Variants in MMRN1 observed in about 807,000 individuals in gnomAD.
The protein encoded by MMRN1 is multimerin 1, also known as multimerin-1.
In MMRN1, 94 loss-of-function variants were observed where a neutral mutation model predicts 100.7. The observed-to-expected ratio is 0.93, with a 90% CI of 0.79 to 1.11. The LOEUF (loss-of-function observed/expected upper bound fraction) is 1.11. Among genes scored for constraint, MMRN1 ranks in the 50% least tolerant of loss-of-function variants. The probability of loss-of-function intolerance (pLI) is 0.00; values close to 1 mark genes in which losing one functional copy is unlikely to be tolerated. For synonymous variants in MMRN1, 575 were observed against 505.0 expected (o/e 1.14, Z -1.86); for missense variants, 1,606 against 1,439.1 (o/e 1.12, Z -1.88).
chr4:89,912,630 G>A (rs1195070210), intron 3 of MMRN1, among the ~76,000 whole-genome samples: 3 of 150,630 alleles, frequency 2.0e-5, no homozygotes, highest in Non-Finnish European at 4.5e-5. Context: ...TAATATCCAT[G>A]TGACTATTAT....
chr4:89,922,667 A>C (rs1207704137), intron 3 of MMRN1, among the ~76,000 whole-genome samples: 1 of 152,158 alleles, frequency 6.6e-6, no homozygotes, highest in Non-Finnish European at 1.5e-5. Flanking sequence ...AGACTATCAA[A>C]ATCTGGAAAC....
chr4:89,932,576 T>A lies in MMRN1; in HGVS notation c.1130-2234T>A, dbSNP rs528952693. 1.1e-4 allele frequency among the ~76,000 whole-genome samples: 16 copies of A among 152,314 alleles called. No individual in the cohort carries two copies. In the East Asian group the frequency reaches 3.1e-3, roughly 29 times the overall value. ...ATGTGTTTTCATACATTCTCTGCAA[T>A]CTAGGTGGAGGTTCCCAAACCTCAA... On this transcript the variant is annotated intron_variant, in intron 5 of 7. Transcript: ENST00000264790.
intron 1 of MMRN1, among the ~76,000 whole-genome samples, chr4:89,883,874 T>C (rs936251193): frequency 2.6e-5 from 4 of 152,162 alleles, no homozygotes; most frequent in African/African-American, 7.2e-5. Flanking sequence ...ATGGTTTTAA[T>C]GTTTATATTT....
intron 4 of MMRN1, among the ~76,000 whole-genome samples, chr4:89,925,215 C>G (rs1722210105): frequency 6.6e-6 from 1 of 150,692 alleles, no homozygotes; most frequent in South Asian, 2.1e-4. Context: ...TGCATCACTA[C>G]AGCCTCCATC....
At chr4:89,924,832 G>T (rs906460875) in intron 4 of MMRN1, among the ~76,000 whole-genome samples, 13 of 152,000 alleles carry the variant, frequency 8.6e-5, no homozygotes, top group African/African-American at 3.1e-4. Flanking sequence ...GACAGAGCGA[G>T]ACTGTCTCAA....
At chr4:89,926,642 C>T (rs918184177) in intron 4 of MMRN1, among the ~76,000 whole-genome samples, 1 of 152,020 alleles carries the variant, frequency 6.6e-6, no homozygotes, top group African/African-American at 2.4e-5. Context: ...GATGTGATCC[C>T]ATCTGTCCAT....
intron 1 of MMRN1, among the ~76,000 whole-genome samples, chr4:89,899,580 A>G (rs1721316904): frequency 6.6e-6 from 1 of 152,108 alleles, no homozygotes; most frequent in South Asian, 2.1e-4. Context: ...TGGGGTCAGT[A>G]AACCTTGCCT....
chr4:89,912,250 C>G (rs1270027767), intron 3 of MMRN1, among the ~76,000 whole-genome samples, 200 bp downstream of exon 3: 1 of 151,156 alleles, frequency 6.6e-6, no homozygotes, highest in Non-Finnish European at 1.5e-5. Context: ...AACTTCTCCC[C>G]CCATTTTTAT....
At chr4:89,927,355 T>C (rs1025493057) in intron 4 of MMRN1, among the ~76,000 whole-genome samples, 3 of 152,118 alleles carry the variant, frequency 2.0e-5, no homozygotes, top group Non-Finnish European at 4.4e-5. Flanking sequence ...TGAATCCTTA[T>C]GTATTTAACT....
chr4:89,938,476 C>CATATATATATATATAT (rs372673572), intron 6 of MMRN1, among the ~76,000 whole-genome samples: 9 of 123,570 alleles, frequency 7.3e-5, no homozygotes, highest in African/African-American at 1.8e-4. Context: ...ATTTTTTAAA[C>CATATATATATATATAT]ATATATATAT....
chr4:89,920,964 A>T (rs1284176590), intron 3 of MMRN1, among the ~76,000 whole-genome samples: 1 of 152,148 alleles, frequency 6.6e-6, no homozygotes, highest in African/African-American at 2.4e-5. Flanking sequence ...CGAGGAAAAA[A>T]ATCAGTATTC....
At chr4:89,919,508 T>A (rs1401376268) in intron 3 of MMRN1, among the ~76,000 whole-genome samples, 1 of 151,772 alleles carries the variant, frequency 6.6e-6, no homozygotes, top group Non-Finnish European at 1.5e-5. Flanking sequence ...GAAAAAATAA[T>A]CTACCAATAT....
intron 6 of MMRN1, among the ~76,000 whole-genome samples, chr4:89,943,091 G>A (rs947669752): frequency 6.6e-6 from 1 of 152,056 alleles, no homozygotes; most frequent in African/African-American, 2.4e-5. Flanking sequence ...AGCTTAACTG[G>A]AGAGAGAGCA....
At chr4:89,946,599 G>A (rs752283805) in intron 6 of MMRN1, among the ~76,000 whole-genome samples, 13 of 152,066 alleles carry the variant, frequency 8.5e-5, no homozygotes, top group Non-Finnish European at 1.6e-4. Context: ...AGTGAATAGA[G>A]CGGTAAACTC....
intron 3 of MMRN1, among the ~76,000 whole-genome samples, chr4:89,917,900 A>G (rs1231750165): frequency 6.6e-6 from 1 of 151,840 alleles, no homozygotes; most frequent in African/African-American, 2.4e-5. Context: ...TGTATTTTTG[A>G]ATGTTTACTG....
chr4:89,881,270 C>CA (rs1488053992), intron 1 of MMRN1, among the ~76,000 whole-genome samples: 1 of 152,078 alleles, frequency 6.6e-6, no homozygotes, highest in Non-Finnish European at 1.5e-5. Flanking sequence ...ATACTTACTT[C>CA]AAAACTCAAA....
chr4:89,905,370 G>GA (rs1721531879), intron 1 of MMRN1, among the ~76,000 whole-genome samples: 1 of 151,316 alleles, frequency 6.6e-6, no homozygotes, highest in East Asian at 1.9e-4. Context: ...TCTTATGAGG[G>GA]ATCAATATTT....
At position 89,953,822 on chromosome 4, in the gene MMRN1, C is replaced by G. The variant is rs1476762695; in HGVS notation, c.*404C>G. ...TATATAAATATATAACACACATTTT[C>G]TAGATTCACAAATTTAAATAAATTA... On this transcript the variant is annotated 3_prime_UTR_variant, in exon 8 of 8. Coordinates refer to ENST00000264790, the MANE Select transcript of MMRN1 (RefSeq NM_007351.3). The G allele has an allele frequency of 6.5e-6, 1 of 153,490 alleles. No homozygotes were observed. The highest frequency in any genetic ancestry group is 1.4e-5 in the Non-Finnish European group (1 of 69,050). The allele number at this position is 153,490 out of a possible 1,614,324, so 9.5% of individuals were successfully genotyped here.
chr4:89,947,790 A>C (rs1311286592), intron 6 of MMRN1, among the ~76,000 whole-genome samples: 2 of 152,176 alleles, frequency 1.3e-5, no homozygotes, highest in Non-Finnish European at 2.9e-5. Flanking sequence ...GTACCTAACC[A>C]TTTTTTAAGC....
Sources: allele counts gnomAD v4.1 joint callset (sites outside exome capture counted in the v4.1 genomes callset), GRCh38; gene constraint gnomAD v4.1.1; transcripts MANE v1.5; gene names NCBI Gene and HGNC (gene_info 2026-07-23, HGNC 2026-07-21).